IKBKE: variants seen among roughly 807,000 people sequenced by gnomAD.
IKBKE encodes inhibitor of nuclear factor kappa B kinase subunit epsilon.
A neutral mutation model predicts 92.1 loss-of-function variants in IKBKE; 45 were observed. That is an observed-to-expected ratio of 0.49 (90% CI 0.38 to 0.63). IKBKE has a LOEUF of 0.63. IKBKE is among the 20% of genes least tolerant of loss of function. The pLI is 0.00. For missense variants in IKBKE, 700 were observed against 932.8 expected, an observed-to-expected ratio of 0.75 and a Z score of 3.25; for synonymous variants, 374 against 380.3, an observed-to-expected ratio of 0.98 and a Z score of 0.19.
At position 206,491,699 on chromosome 1, in the gene IKBKE, G is replaced by A; in HGVS notation, c.1785G>A (p.Glu595=). 6.2e-7 allele frequency: 1 copy of A among 1,613,754 alleles called. No homozygotes were observed. Among genetic ancestry groups the A allele is most frequent in the East Asian group, 2.2e-5 (1 of 44,856 alleles). The change falls in exon 18 of 22, where the codon GAG becomes GAA. Residue 595 remains glutamate (E), a synonymous_variant. Coordinates refer to ENST00000581977, the MANE Select transcript of IKBKE (RefSeq NM_014002.4). The part of the protein sequence containing the change: ...AKRLLQVFQE[E]CVQKYQASLV... ...GACTCCTGCAGGTGTTCCAGGAGGAGTGCGTGCAGAAGTATCAAGCGTCCT... is the reference window on the plus strand; with the variant it reads ...GACTCCTGCAGGTGTTCCAGGAGGAATGCGTGCAGAAGTATCAAGCGTCCT...
Position 206,476,438 on chromosome 1 carries a change from G to A in IKBKE, c.540+76G>A, listed in dbSNP as rs1665067893. On this transcript the variant is annotated intron_variant, in intron 6 of 21. Transcript: ENST00000581977. This position sits in a 1 kb window ranked among gnomAD's most constrained non-coding sequence, Gnocchi z 5.1. ...CTTGTGAGCCCCCCAGAGCCCCCAT[G>A]AGGGGGTGTGGCCCACCTCCTGCTT... The A allele has an allele frequency of 8.9e-6, 13 of 1,459,976 alleles. No individual in the cohort carries two copies. The highest frequency in any genetic ancestry group is 1.2e-5 in the Non-Finnish European group (13 of 1,063,336). 90.4% of individuals were successfully genotyped at this position (1,459,976 alleles called of 1,614,324 possible).
At chr1:206,492,986 C>T in intron 18 of IKBKE, 37 bp from the exon 19 acceptor site, 1 of 1,532,398 alleles carries the variant, frequency 6.5e-7, no homozygotes, top group South Asian at 1.2e-5. Flanking sequence ...TGGGCTGAGT[C>T]CTGCTCTAAT....
At position 206,477,812 on chromosome 1, in the gene IKBKE, GC is replaced by G. The variant is rs2103458375; in HGVS notation, c.769del (p.Leu257TrpfsTer76). On this transcript the variant is annotated frameshift_variant, in exon 8 of 22. Coordinates refer to ENST00000581977, the MANE Select transcript of IKBKE (RefSeq NM_014002.4). LOFTEE classifies it high-confidence loss of function. ...IAGAQRRENG[P>X]LEWSYTLPIT... ...CAGGTGCCCAGAGGCGGGAGAACGG[GC>G]CCCTGGAGTGGAGCTACACCCTCCC... 6.4e-7 allele frequency: 1 copy of G among 1,560,704 alleles called. No individual in the cohort carries two copies. The highest frequency in any genetic ancestry group is 8.7e-7 in the Non-Finnish European group (1 of 1,152,558).
chr1:206,484,496 A>G (rs1016444480), intron 13 of IKBKE, among the ~76,000 whole-genome samples: 5 of 152,152 alleles, frequency 3.3e-5, no homozygotes, highest in African/African-American at 1.2e-4. Flanking sequence ...CCCATTATCA[A>G]CCATCATTGC....
At chr1:206,482,089 C>A (rs1253257073) in intron 13 of IKBKE, among the ~76,000 whole-genome samples, 1 of 152,058 alleles carries the variant, frequency 6.6e-6, no homozygotes, top group Non-Finnish European at 1.5e-5. Flanking sequence ...TAGGATGAGG[C>A]TTTTAAGGCC....
chr1:206,473,338 C>A, intron 3 of IKBKE, 24 bp downstream of exon 3: 3 of 1,564,134 alleles, frequency 1.9e-6, no homozygotes, highest in Non-Finnish European at 2.6e-6. Flanking sequence ...CTGGCCAGGC[C>A]CTGTCCAGCC....
At chr1:206,473,384 A>C in intron 3 of IKBKE, 70 bp downstream of exon 3, 1 of 1,165,920 alleles carries the variant, frequency 8.6e-7, no homozygotes, top group Non-Finnish European at 1.2e-6. Context: ...AAGCTGGCCC[A>C]GTCAGCCCCC....
Position 206,479,027 on chromosome 1 carries a change from T to C in IKBKE, c.1077T>C (p.Cys359=), listed in dbSNP as rs1665222803. The C allele has an allele frequency of 6.2e-7, 1 of 1,614,066 alleles. No individual in the cohort carries two copies. Among genetic ancestry groups the C allele is most frequent in the Admixed American group, 1.7e-5 (1 of 60,008 alleles). ...HQEYLFEGHL[C]VLEPSVSAQH... ...AGTACCTCTTTGAGGGTCACCTCTGTGTCCTCGAGCCCAGCGTCTCAGCAC... is the reference window on the plus strand; with the variant it reads ...AGTACCTCTTTGAGGGTCACCTCTGCGTCCTCGAGCCCAGCGTCTCAGCAC... Residue 359 remains cysteine, a synonymous_variant, in exon 10 of 22, where the codon TGT becomes TGC. Transcript: ENST00000581977.
chr1:206,485,191 C>T lies in IKBKE; in HGVS notation c.1504-3C>T, dbSNP rs2103472175. On this transcript the variant is annotated splice_region_variant and splice_polypyrimidine_tract_variant and intron_variant, in intron 14 of 21. Coordinates refer to ENST00000581977, the MANE Select transcript of IKBKE (RefSeq NM_014002.4). The surrounding 1 kb of genome is among the most constrained non-coding windows in gnomAD (Gnocchi z 5.0). ...CACGGGGGTCTGCCTTTGTGCCCCA[C>T]AGCTAGCGGAGGTCCTCTCCAGATG... 2 of 1,609,786 alleles carry T rather than the reference C, an allele frequency of 1.2e-6. No homozygotes were observed. The highest frequency in any genetic ancestry group is 1.7e-6 in the Non-Finnish European group (2 of 1,176,040).
intron 13 of IKBKE, among the ~76,000 whole-genome samples, chr1:206,481,911 C>G (rs1665416696): frequency 6.6e-6 from 1 of 150,676 alleles, no homozygotes; most frequent in Admixed American, 6.6e-5. Context: ...TCCCAAGTAG[C>G]TGGGACTACA....
chr1:206,495,943 C>T (rs782276201), intron 21 of IKBKE, among the ~76,000 whole-genome samples, 169 bp from the exon 22 acceptor site: 10 of 152,162 alleles, frequency 6.6e-5, no homozygotes, highest in Admixed American at 3.3e-4. Flanking sequence ...AACATATAGT[C>T]AGAGGCGAGA....
chr1:206,474,799 A>G, intron 4 of IKBKE, 66 bp from the exon 5 acceptor site: 1 of 1,580,750 alleles, frequency 6.3e-7, no homozygotes, highest in Non-Finnish European at 8.6e-7. Context: ...AGGCTGAGCC[A>G]CTTCTTCCTG....
intron 17 of IKBKE, 196 bp downstream of exon 17, chr1:206,491,054 C>T (rs1665926395): frequency 3.2e-6 from 2 of 624,536 alleles, no homozygotes; most frequent in Non-Finnish European, 5.8e-6. Flanking sequence ...TTCTCAGATG[C>T]AATCTTGAAG....
At chr1:206,492,728 G>T (rs1553390838) in intron 18 of IKBKE, 1 of 563,398 alleles carries the variant, frequency 1.8e-6, no homozygotes, top group South Asian at 1.5e-5. Context: ...AGCCTGACTG[G>T]TGCCACGCTC....
rs558511707 is a variant in IKBKE at position 206,490,842 on chromosome 1, A to G, written c.1717A>G (p.Ile573Val). 6.2e-7 allele frequency: 1 copy of G among 1,614,154 alleles called. No homozygotes were observed. Among genetic ancestry groups the G allele is most frequent in the African/African-American group, 1.3e-5 (1 of 75,048 alleles). Residue 573 changes from isoleucine (I) to valine (V), a missense_variant, in exon 17 of 22, where the codon ATT (isoleucine) becomes GTT (valine). Coordinates refer to ENST00000581977, the MANE Select transcript of IKBKE (RefSeq NM_014002.4). This position sits in a 1 kb window ranked among gnomAD's most constrained non-coding sequence, Gnocchi z 5.2. ...AGGGCTTGGCTACAACGAGGAGCAG[A>G]TTCACAAGCTGGATAAGTGAGTGGC... ...RPGLGYNEEQIHKLDKVNFSH... is the reference protein window; with the variant it reads ...RPGLGYNEEQVHKLDKVNFSH...
intron 21 of IKBKE, 56 bp downstream of exon 21, chr1:206,494,047 T>A: frequency 6.7e-7 from 1 of 1,492,138 alleles, no homozygotes; most frequent in Non-Finnish European, 9.3e-7. Context: ...TACCCTTGCC[T>A]GGGGGTGGTG....
intron 3 of IKBKE, among the ~76,000 whole-genome samples, chr1:206,473,766 A>G (rs1664904203): frequency 6.6e-6 from 1 of 152,004 alleles, no homozygotes; most frequent in African/African-American, 2.4e-5. Flanking sequence ...GATCGAGACC[A>G]TCCTGGTCAA....
intron 16 of IKBKE, among the ~76,000 whole-genome samples, chr1:206,488,241 A>G (rs557453251): frequency 1.8e-4 from 27 of 152,344 alleles, no homozygotes; most frequent in African/African-American, 5.8e-4. Context: ...CTGTTGCCAC[A>G]TGAGAGACTT....
Position 206,476,558 on chromosome 1 carries a change from T to G in IKBKE, c.541-120T>G, listed in dbSNP as rs966793660. 3.1e-6 allele frequency: 4 copies of G among 1,275,402 alleles called. No homozygotes were observed. The highest frequency in any genetic ancestry group is 4.4e-6 in the Non-Finnish European group (4 of 915,348). The allele number at this position is 1,275,402 out of a possible 1,614,324, so 79.0% of individuals were successfully genotyped here. A position where few individuals can be genotyped will look rare whatever the true frequency, so the allele number is the denominator to read the frequency against. On this transcript the variant is annotated intron_variant, in intron 6 of 21. Transcript: ENST00000581977. This position sits in a 1 kb window ranked among gnomAD's most constrained non-coding sequence, Gnocchi z 5.1. ...GTGAGGCTGACACCCATTTTTAAGATGACAAAGAAGGATTTGAACAGTTCT... is the reference window on the plus strand; with the variant it reads ...GTGAGGCTGACACCCATTTTTAAGAGGACAAAGAAGGATTTGAACAGTTCT...
Sources: gnomAD v4.1 joint callset for allele counts (sites outside exome capture counted in the v4.1 genomes callset) on GRCh38, gnomAD v4.1.1 for gene constraint, Gnocchi (gnomAD v3.1) non-coding constraint, MANE v1.5 for transcripts, NCBI Gene and HGNC (gene_info 2026-07-23, HGNC 2026-07-21) for gene names.